The following DTL variants were observed in gnomAD, a reference collection of about 807,000 sequenced individuals.
DTL encodes the protein denticleless protein homolog.
Under a neutral mutation model 87.0 loss-of-function variants are expected in DTL, and 46 were observed. The observed-to-expected ratio is 0.53, with a 90% CI of 0.42 to 0.68. The LOEUF is 0.68. DTL is among the 30% of genes least tolerant of loss of function. DTL has a pLI of 0.00. For synonymous variants in DTL, 308 were observed against 311.2 expected (o/e 0.99, Z 0.11); for missense variants, 737 against 869.4 (o/e 0.85, Z 1.91).
chr1:212,062,176 C>T (rs1654346449), intron 5 of DTL, among the ~76,000 whole-genome samples: 1 of 152,132 alleles, frequency 6.6e-6, no homozygotes, highest in Non-Finnish European at 1.5e-5. Context: ...TTCCACAGAG[C>T]CCTCAGGTAG....
At chr1:212,041,739 T>C (rs918452019) in intron 1 of DTL, among the ~76,000 whole-genome samples, 1 of 152,182 alleles carries the variant, frequency 6.6e-6, no homozygotes, top group Non-Finnish European at 1.5e-5. Context: ...CTCGATCTCC[T>C]GACCTCGTGG....
At chr1:212,076,779 A>G (rs1654843596) in intron 11 of DTL, among the ~76,000 whole-genome samples, 2 of 152,180 alleles carry the variant, frequency 1.3e-5, no homozygotes, top group Non-Finnish European at 2.9e-5. Context: ...ACGATCTTCA[A>G]AGTCTTTTCT....
intron 8 of DTL, among the ~76,000 whole-genome samples, chr1:212,067,943 C>T (rs926890069): frequency 1.3e-5 from 2 of 152,122 alleles, no homozygotes; most frequent in Admixed American, 1.3e-4. Context: ...CAATTACTAT[C>T]GGCACTCAAC....
At chr1:212,057,545 A>G (rs1490002263) in intron 5 of DTL, among the ~76,000 whole-genome samples, 1 of 152,154 alleles carries the variant, frequency 6.6e-6, no homozygotes, top group African/African-American at 2.4e-5. Context: ...ATTTACTGTC[A>G]TGAAAACACA....
chr1:212,063,947 C>G (rs1461715033), intron 6 of DTL, among the ~76,000 whole-genome samples: 1 of 148,362 alleles, frequency 6.7e-6, no homozygotes, highest in African/African-American at 2.5e-5. Flanking sequence ...GGCTGGAGTG[C>G]AGTGGCGTGA....
chr1:212,075,798 G>A (rs1654811152), intron 11 of DTL, among the ~76,000 whole-genome samples: 6 of 151,954 alleles, frequency 3.9e-5, no homozygotes. Context: ...TCACAGTGTT[G>A]TACCAACATC....
At chr1:212,054,781 A>C (rs1668114112) in intron 5 of DTL, among the ~76,000 whole-genome samples, 1 of 144,074 alleles carries the variant, frequency 6.9e-6, no homozygotes, top group Non-Finnish European at 1.5e-5. Flanking sequence ...GGTGACAACG[A>C]GACACCACCT....
chr1:212,048,084 ACT>A (rs1478091338), intron 5 of DTL, among the ~76,000 whole-genome samples: 1 of 152,170 alleles, frequency 6.6e-6, no homozygotes, highest in Non-Finnish European at 1.5e-5. Flanking sequence ...AGTTACTTTA[ACT>A]CTGCTTGTAA....
chr1:212,095,161 G>A (rs1655408558), intron 13 of DTL, among the ~76,000 whole-genome samples: 1 of 152,148 alleles, frequency 6.6e-6, no homozygotes, highest in Non-Finnish European at 1.5e-5. Context: ...GGGCATCCTT[G>A]TCTTTTTCCA....
intron 1 of DTL, 59 bp from the exon 2 acceptor site, chr1:212,042,934 T>A: frequency 6.7e-7 from 1 of 1,495,154 alleles, no homozygotes; most frequent in African/African-American, 1.4e-5. Context: ...TCTGAATTTG[T>A]TAAAAATGCT....
chr1:212,044,450 C>A (rs1340630352), intron 2 of DTL, among the ~76,000 whole-genome samples: 1 of 151,512 alleles, frequency 6.6e-6, no homozygotes, highest in Non-Finnish European at 1.5e-5. Context: ...AGTAAAAATA[C>A]AAAATTAGCT....
At chr1:212,051,258 C>T (rs538662885) in intron 5 of DTL, among the ~76,000 whole-genome samples, 3 of 152,054 alleles carry the variant, frequency 2.0e-5, no homozygotes, top group Admixed American at 6.6e-5. Flanking sequence ...CCTCCCTGAA[C>T]TCATGATTTC....
chr1:212,041,714 G>A (rs1667650831), intron 1 of DTL, among the ~76,000 whole-genome samples: 1 of 152,064 alleles, frequency 6.6e-6, no homozygotes, highest in Non-Finnish European at 1.5e-5. Context: ...GTTTCACCGT[G>A]TTAGCCAGGA....
At chr1:212,058,748 A>C (rs1668252070) in intron 5 of DTL, among the ~76,000 whole-genome samples, 1 of 152,074 alleles carries the variant, frequency 6.6e-6, no homozygotes, top group Non-Finnish European at 1.5e-5. Context: ...ACAAAACAAA[A>C]GGTTGGTTTT....
rs755257350 is a variant in DTL, at chr1:212,068,680, T to C, written c.899T>C (p.Met300Thr). The C allele has an allele frequency of 6.2e-7, 1 of 1,610,650 alleles. No individual in the cohort carries two copies. Among genetic ancestry groups the C allele is most frequent in the South Asian group, 1.1e-5 (1 of 90,906 alleles). Residue 300 changes from methionine (M) to threonine (T), a missense_variant, in exon 10 of 15, where the codon ATG becomes ACG. Transcript: ENST00000366991. ...CTDDNIYMFN[M>T]TGLKTSPVAI... ...GACGATAACATCTACATGTTTAATA[T>C]GACTGGGTTGAAGACTTCTCCAGGT...
In DTL at chr1:212,072,180, T is replaced by C; in HGVS notation, c.1002T>C (p.Ser334=). 6.2e-7 allele frequency: 1 copy of C among 1,614,062 alleles called. No individual in the cohort carries two copies. The highest frequency in any genetic ancestry group is 8.5e-7 in the Non-Finnish European group (1 of 1,179,928). The stretch of plus-strand genomic sequence containing the variant: ...GTCCAGATGACCAGTTTTTAGTCAG[T>C]GGCTCAAGTGATGAAGCTGCCTACA... ...SLSPDDQFLV[S]GSSDEAAYIW... is the part of the protein sequence containing the mutation. Residue 334 remains serine, a synonymous_variant, in exon 11 of 15, where the codon AGT becomes AGC. Coordinates refer to ENST00000366991, the MANE Select transcript of DTL (RefSeq NM_016448.4).
rs768119065 is a variant in DTL, at chr1:212,100,570, C to T, written c.1580C>T (p.Pro527Leu). 9.3e-6 allele frequency: 15 copies of T among 1,613,824 alleles called. No individual in the cohort carries two copies. Among genetic ancestry groups the T allele is most frequent in the Middle Eastern group, 3.3e-4 (2 of 6,084 alleles). ...GCTTCGGAGACCAAGATCATGTCTC[C>T]GAGAAAAGCCCTTATTCCTGTGAGC... ...PPASETKIMS[P>L]RKALIPVSQK... The change falls in exon 14 of 15, where the codon CCG becomes CTG. Residue 527 changes from proline (P) to leucine (L), a missense_variant. Coordinates refer to ENST00000366991, the MANE Select transcript of DTL (RefSeq NM_016448.4).
At chr1:212,078,408 A>G in intron 12 of DTL, 146 bp downstream of exon 12, 1 of 591,750 alleles carries the variant, frequency 1.7e-6, no homozygotes, top group South Asian at 2.2e-5. Flanking sequence ...CTATATTCAC[A>G]TTACTCAGGC....
chr1:212,044,786 T>G, intron 3 of DTL, 28 bp downstream of exon 3: 2 of 1,445,866 alleles, frequency 1.4e-6, no homozygotes, highest in Non-Finnish European at 1.9e-6. Context: ...ATTTTTGTTT[T>G]AACATTTAAA....
Sources: allele counts gnomAD v4.1 joint callset (sites outside exome capture counted in the v4.1 genomes callset), GRCh38; gene constraint gnomAD v4.1.1; transcripts MANE v1.5; gene names NCBI Gene and HGNC (gene_info 2026-07-23, HGNC 2026-07-21).